The following GPR158 variants were observed in gnomAD, a reference collection of about 807,000 sequenced individuals.
GPR158 encodes metabotropic glycine receptor.
A neutral mutation model predicts 78.2 loss-of-function variants in GPR158; 30 were observed. The ratio of observed to expected loss-of-function variants is 0.38; its 90% CI spans 0.29 to 0.52. The LOEUF (loss-of-function observed/expected upper bound fraction) is 0.52. Among genes scored for constraint, GPR158 ranks in the 20% least tolerant of loss-of-function variants. The pLI is 0.83. For synonymous variants in GPR158, 581 were observed against 591.1 expected, an observed-to-expected ratio of 0.98 and a Z score of 0.25; for missense variants, 1,463 against 1,523.5, an observed-to-expected ratio of 0.96 and a Z score of 0.66.
intron 3 of GPR158, among the ~76,000 whole-genome samples, chr10:25,404,750 A>G (rs570468655): frequency 1.3e-5 from 2 of 152,242 alleles, no homozygotes; most frequent in South Asian, 4.1e-4. Context: ...CACATACCAT[A>G]TAGATTTGTG....
At chr10:25,346,138 CCTTT>C (rs1393901378) in intron 2 of GPR158, among the ~76,000 whole-genome samples, 2 of 151,836 alleles carry the variant, frequency 1.3e-5, no homozygotes, top group Non-Finnish European at 2.9e-5. Context: ...ATGAGAATTT[CCTTT>C]CTATTAAATT....
In GPR158 at chr10:25,526,275, A is replaced by C. The variant is rs190193074; in HGVS notation, c.1405-24701A>C. ...AGCAGGCAGAAACTAGAAGGGATTT[A>C]ATCCTTTAATAAAGGAACTGCACTA... On this transcript the variant is annotated intron_variant, in intron 5 of 10. Coordinates refer to ENST00000376351, the MANE Select transcript of GPR158 (RefSeq NM_020752.3). 3.3e-5 allele frequency among the ~76,000 whole-genome samples: 5 copies of C among 152,286 alleles called. No individual in the cohort carries two copies. The East Asian group carries it at 9.6e-4, about 29-fold the overall frequency.
intron 4 of GPR158, among the ~76,000 whole-genome samples, chr10:25,441,077 T>C (rs1249780919): frequency 6.6e-6 from 1 of 152,228 alleles, no homozygotes; most frequent in African/African-American, 2.4e-5. Flanking sequence ...TGTGGGCCTA[T>C]GGCAGTAGAA....
At chr10:25,246,167 T>C (rs1279254648) in intron 2 of GPR158, among the ~76,000 whole-genome samples, 6 of 152,222 alleles carry the variant, frequency 3.9e-5, no homozygotes, top group Non-Finnish European at 7.3e-5. Context: ...AAAAGCTCAT[T>C]TACAGTGATT....
chr10:25,331,671 T>G (rs1395903159), intron 2 of GPR158, among the ~76,000 whole-genome samples: 2 of 152,204 alleles, frequency 1.3e-5, no homozygotes, highest in Non-Finnish European at 1.5e-5. Flanking sequence ...GCCTATGGCT[T>G]TCATCGGTAT....
At chr10:25,541,572 G>T (rs1836584341) in intron 5 of GPR158, among the ~76,000 whole-genome samples, 1 of 149,968 alleles carries the variant, frequency 6.7e-6, no homozygotes, top group South Asian at 2.1e-4. Flanking sequence ...TGATTTTTAT[G>T]TATGGTGTAA....
intron 6 of GPR158, among the ~76,000 whole-genome samples, chr10:25,564,004 C>CA (rs1159471206): frequency 6.6e-6 from 1 of 151,650 alleles, no homozygotes; most frequent in African/African-American, 2.4e-5. Context: ...ATGGTAAATC[C>CA]AAAAATCAGA....
At chr10:25,496,118 T>C (rs1835877561) in intron 5 of GPR158, among the ~76,000 whole-genome samples, 1 of 152,136 alleles carries the variant, frequency 6.6e-6, no homozygotes, top group South Asian at 2.1e-4. Context: ...AATTCAGTAC[T>C]TTATTACTTT....
chr10:25,474,856 C>T (rs184570336), intron 5 of GPR158, among the ~76,000 whole-genome samples: 1 of 152,116 alleles, frequency 6.6e-6, no homozygotes, highest in East Asian at 1.9e-4. Flanking sequence ...TTGTGGAAGA[C>T]TAAGAATGAG....
chr10:25,524,820 T>G (rs1251742391), intron 5 of GPR158, among the ~76,000 whole-genome samples: 4 of 152,162 alleles, frequency 2.6e-5, no homozygotes, highest in African/African-American at 9.7e-5. Flanking sequence ...TGTTGCAAGT[T>G]ATACTACCAA....
At chr10:25,597,467 C>G (rs1161981297) in intron 10 of GPR158, among the ~76,000 whole-genome samples, 1 of 152,064 alleles carries the variant, frequency 6.6e-6, no homozygotes, top group African/African-American at 2.4e-5. Flanking sequence ...TTATGTGAAA[C>G]AAAACACAAA....
rs900065661 is a variant in GPR158, at chr10:25,599,077, G to A, written c.3451G>A (p.Val1151Met). The change falls in exon 11 of 11, where the codon GTG becomes ATG. Residue 1151 changes from valine to methionine, a missense_variant. By Grantham distance (21) the Val-to-Met change is conservative (BLOSUM62 1). Coordinates refer to ENST00000376351, the MANE Select transcript of GPR158 (RefSeq NM_020752.3). ...AAAGACATCTTCTTCTGAGGAGAATGTGCGTGGCTCCTATAACTCAAGTAA... is the reference window on the plus strand; with the variant it reads ...AAAGACATCTTCTTCTGAGGAGAATATGCGTGGCTCCTATAACTCAAGTAA... ...EKKTSSSEEN[V>M]RGSYNSSNNF... The A allele has an allele frequency of 1.9e-6, 3 of 1,613,416 alleles. No individual in the cohort carries two copies. The highest frequency in any genetic ancestry group is 2.7e-5 in the African/African-American group (2 of 74,922).
chr10:25,375,145 A>T (rs974677186), intron 2 of GPR158, among the ~76,000 whole-genome samples: 6 of 151,682 alleles, frequency 4.0e-5, no homozygotes, highest in African/African-American at 1.4e-4. Context: ...GTGAATGATG[A>T]TGAACATCTT....
rs113742901 is a variant in GPR158 at position 25,462,502 on chromosome 10, C to T, written c.1336-4149C>T. On this transcript the variant is annotated intron_variant, in intron 4 of 10. Coordinates refer to ENST00000376351, the MANE Select transcript of GPR158 (RefSeq NM_020752.3). ...TAAGAAACACATTTTGTAAGGCGAT[C>T]GTTGCCATAGTGATTCTTCTGATAG... Among the ~76,000 whole-genome samples, 527 of 152,242 alleles carry T rather than the reference C, an allele frequency of 3.5e-3. 1 individual carries two copies. Among genetic ancestry groups the T allele is most frequent in the Non-Finnish European group, 5.2e-3 (354 of 68,018 alleles).
At chr10:25,441,801 GT>G (rs1835071660) in intron 4 of GPR158, among the ~76,000 whole-genome samples, 1 of 152,096 alleles carries the variant, frequency 6.6e-6, no homozygotes, top group Non-Finnish European at 1.5e-5. Context: ...TTAATCTTGT[GT>G]TTGTCACAAT....
intron 4 of GPR158, among the ~76,000 whole-genome samples, chr10:25,433,568 TGTGC>T (rs1192355198): frequency 0.02 from 3,005 of 147,672 alleles, 52 homozygotes; most frequent in Non-Finnish European, 0.029. Flanking sequence ...TGTGTGTGTG[TGTGC>T]GCGCGCGCGT....
At chr10:25,382,026 G>T (rs1834161982) in intron 2 of GPR158, among the ~76,000 whole-genome samples, 1 of 152,210 alleles carries the variant, frequency 6.6e-6, no homozygotes, top group Non-Finnish European at 1.5e-5. Flanking sequence ...TCTGTCAAGA[G>T]TGAAAACAAA....
Position 25,572,708 on chromosome 10 carries a change from G to A in GPR158, c.1574G>A (p.Arg525Gln), listed in dbSNP as rs536874561. The A allele has an allele frequency of 5.0e-6, 8 of 1,614,006 alleles. No individual in the cohort carries two copies. Among genetic ancestry groups the A allele is most frequent in the African/African-American group, 4.0e-5 (3 of 75,028 alleles). Reference protein sequence around the residue: ...AQRIPYMTGGRVMRMLAVILL... With the variant: ...AQRIPYMTGGQVMRMLAVILL... ...CGAATTCCATATATGACTGGCGGAC[G>A]GGTCATGAGGATGCTGGCAGTAATA... The change falls in exon 7 of 11, where the codon CGG (arginine) becomes CAG (glutamine). Residue 525 changes from arginine to glutamine, a missense_variant. Transcript: ENST00000376351.
At chr10:25,587,722 A>G (rs1024852516) in intron 7 of GPR158, among the ~76,000 whole-genome samples, 9 of 152,230 alleles carry the variant, frequency 5.9e-5, no homozygotes, top group African/African-American at 2.2e-4. Context: ...AGTGACATTA[A>G]TTTTTTTGTC....
Sources: gnomAD v4.1 joint callset for allele counts (sites outside exome capture counted in the v4.1 genomes callset) on GRCh38, gnomAD v4.1.1 for gene constraint, MANE v1.5 for transcripts, NCBI Gene and HGNC (gene_info 2026-07-23, HGNC 2026-07-21) for gene names.